The following RARS1 variants were observed in gnomAD, a reference collection of about 807,000 sequenced individuals.
RARS1 encodes the protein arginine--tRNA ligase, cytoplasmic.
A neutral mutation model predicts 78.7 loss-of-function variants in RARS1; 75 were observed. The observed-to-expected ratio is 0.95, with a 90% CI of 0.79 to 1.15. The LOEUF (loss-of-function observed/expected upper bound fraction) is 1.15, where lower values mean the gene tolerates loss of function less well. Among genes scored for constraint, RARS1 ranks in the 50% most tolerant of loss-of-function variants. The pLI is 0.00. For missense variants in RARS1, 787 were observed against 787.5 expected, an observed-to-expected ratio of 1.00 and a Z score of 0.01; for synonymous variants, 273 against 268.2, an observed-to-expected ratio of 1.02 and a Z score of -0.18.
In RARS1 at chr5:168,501,986, T is replaced by C. The variant is rs777808091; in HGVS notation, c.953-15T>C. On this transcript the variant is annotated splice_polypyrimidine_tract_variant and intron_variant, in intron 8 of 14. Coordinates refer to ENST00000231572, the MANE Select transcript of RARS1 (RefSeq NM_002887.4). ...TTATGCATTTTATTTGGTGGCATTT[T>C]ATTTTCTTCCCTAGAGTTAAATAAA... is the stretch of plus-strand genomic sequence containing the variant. 6.3e-7 allele frequency: 1 copy of C among 1,580,494 alleles called. No homozygotes were observed. Among genetic ancestry groups the C allele is most frequent in the African/African-American group, 1.4e-5 (1 of 73,192 alleles).
At chr5:168,498,707 T>A (rs562970174) in intron 7 of RARS1, among the ~76,000 whole-genome samples, 1 of 152,250 alleles carries the variant, frequency 6.6e-6, no homozygotes, top group East Asian at 1.9e-4. Context: ...TGGCTCACAC[T>A]TGTAATCCCA....
At position 168,517,888 on chromosome 5, in the gene RARS1, G is replaced by C. The variant is rs565481950; in HGVS notation, c.1699G>C (p.Asp567His). The C allele has an allele frequency of 1.9e-6, 3 of 1,613,636 alleles. 1 individual carries two copies. In the South Asian group the frequency reaches 3.3e-5, roughly 18 times the overall value. ...KAARETKILL[D>H]HEKEWKLGRC... is the part of the protein sequence containing the mutation. ...TGCTCGAGAAACCAAGATTCTTTTG[G>C]ATCATGAGAAGGAATGGAAACTAGG... The change falls in exon 14 of 15, where the codon GAT (aspartate) becomes CAT (histidine). Residue 567 changes from aspartate (D) to histidine (H), a missense_variant. Transcript: ENST00000231572.
chr5:168,517,731 G>A (rs924222610), intron 13 of RARS1, 84 bp from the exon 14 acceptor site: 28 of 1,504,544 alleles, frequency 1.9e-5, no homozygotes, highest in Middle Eastern at 1.8e-4. Context: ...CTTTTTAATC[G>A]GTGATAATTT....
At chr5:168,496,727 G>A (rs147339800) in intron 6 of RARS1, among the ~76,000 whole-genome samples, 2,504 of 152,030 alleles carry the variant, frequency 0.016, 30 homozygotes, top group Middle Eastern at 0.037. Context: ...CAAGTGATCC[G>A]CCTGCCTCAG....
chr5:168,496,288 A>G (rs1042306184), intron 6 of RARS1, among the ~76,000 whole-genome samples: 1 of 150,374 alleles, frequency 6.7e-6, no homozygotes, highest in African/African-American at 2.4e-5. Flanking sequence ...CTGAGGCAGG[A>G]GAATTGCTTG....
intron 9 of RARS1, among the ~76,000 whole-genome samples, chr5:168,502,409 C>A (rs1758349390): frequency 7.6e-6 from 1 of 131,202 alleles, no homozygotes; most frequent in South Asian, 2.3e-4. Context: ...AACAATCTTG[C>A]TATGTTGCCT....
At chr5:168,497,193 T>TA (rs751297861) in intron 6 of RARS1, 35 bp from the exon 7 acceptor site, 1 of 1,365,400 alleles carries the variant, frequency 7.3e-7, no homozygotes. Flanking sequence ...CTTTATTATT[T>TA]AAAAAATGAT....
intron 14 of RARS1, 33 bp downstream of exon 14, chr5:168,518,095 T>TTTTTG: frequency 1.5e-6 from 2 of 1,338,142 alleles, no homozygotes; most frequent in Non-Finnish European, 2.0e-6. Flanking sequence ...TTTTTTTTTT[T>TTTTTG]AGTGAGAGAC....
chr5:168,517,057 C>T (rs1358015036), intron 13 of RARS1, 107 bp downstream of exon 13: 2 of 1,181,218 alleles, frequency 1.7e-6, no homozygotes, highest in Non-Finnish European at 2.4e-6. Flanking sequence ...GTCTTGGGCT[C>T]AAATGATCCT....
chr5:168,494,126 C>T, intron 4 of RARS1, 124 bp downstream of exon 4: 1 of 1,250,098 alleles, frequency 8.0e-7, no homozygotes, highest in Non-Finnish European at 1.1e-6. Context: ...GGTGAAAGCA[C>T]TGTGGATTGT....
At chr5:168,519,041 G>A (rs1758730925) in intron 14 of RARS1, 40 bp from the exon 15 acceptor site, 1 of 1,536,572 alleles carries the variant, frequency 6.5e-7, no homozygotes, top group East Asian at 2.3e-5. Flanking sequence ...TTTTCAAAAA[G>A]GAAAACAAGT....
chr5:168,519,269 A>C lies in RARS1; in HGVS notation c.*79A>C, dbSNP rs1758740894. The C allele has an allele frequency of 1.8e-6, 2 of 1,093,200 alleles. No homozygotes were observed. Among genetic ancestry groups the C allele is most frequent in the East Asian group, 5.1e-5 (2 of 38,920 alleles). The allele number at this position is 1,093,200 out of a possible 1,614,324, so 67.7% of individuals were successfully genotyped here. ...TTTGCTTTTTTACAATCATGTGGAC[A>C]CAAGCATAAGTAAAGAAAATTTGTC... On this transcript the variant is annotated 3_prime_UTR_variant, in exon 15 of 15. Coordinates refer to ENST00000231572, the MANE Select transcript of RARS1 (RefSeq NM_002887.4).
rs759302320 is a variant in RARS1, at chr5:168,502,384, A to ATTTT, written c.1057+288_1057+291dup. ...CAAATATATATATATATATATATAT[A>ATTTT]TTTTTTTTTTTTAAAACAATCTTGC... is the stretch of plus-strand genomic sequence containing the variant. On this transcript the variant is annotated intron_variant, in intron 9 of 14. Transcript: ENST00000231572. Among the ~76,000 whole-genome samples, 281 of 127,214 alleles carry ATTTT rather than the reference A, an allele frequency of 2.2e-3. 2 individuals carry two copies. Among genetic ancestry groups the ATTTT allele is most frequent in the African/African-American group, 3.1e-3 (99 of 31,648 alleles). 83.5% of individuals were successfully genotyped at this position (127,214 alleles called of 152,430 possible). A position where few individuals can be genotyped will look rare whatever the true frequency, so the allele number is the denominator to read the frequency against.
In RARS1 at chr5:168,506,016, C is replaced by A; in HGVS notation, c.1058-5C>A. 1 of 1,590,870 alleles carries A rather than the reference C, an allele frequency of 6.3e-7. No homozygotes were observed. The highest frequency in any genetic ancestry group is 8.5e-7 in the Non-Finnish European group (1 of 1,171,908). ...TTTATTAATGAAGTGTTTTTTACCC[C>A]CTAGGATTTGTGCAGGTGGATGATG... On this transcript the variant is annotated splice_polypyrimidine_tract_variant and splice_region_variant and intron_variant, in intron 9 of 14. Coordinates refer to ENST00000231572, the MANE Select transcript of RARS1 (RefSeq NM_002887.4).
intron 14 of RARS1, 35 bp downstream of exon 14, chr5:168,518,097 G>A: frequency 3.3e-6 from 3 of 920,156 alleles, no homozygotes; most frequent in Non-Finnish European, 4.1e-6. Context: ...TTTTTTTTTA[G>A]TGAGAGACAC....
chr5:168,499,042 G>A (rs1049541397), intron 7 of RARS1, among the ~76,000 whole-genome samples: 1 of 152,086 alleles, frequency 6.6e-6, no homozygotes, highest in African/African-American at 2.4e-5. Context: ...TATGGGCTGG[G>A]TGCAGTGGCT....
At chr5:168,510,793 G>T in intron 12 of RARS1, 107 bp downstream of exon 12, 1 of 693,978 alleles carries the variant, frequency 1.4e-6, no homozygotes, top group Non-Finnish European at 2.4e-6. Flanking sequence ...TCCCACCTAG[G>T]ACAAGGCTTA....
intron 7 of RARS1, among the ~76,000 whole-genome samples, chr5:168,499,838 GC>G (rs1758278677): frequency 6.6e-6 from 1 of 152,096 alleles, no homozygotes; most frequent in Admixed American, 6.5e-5. Context: ...AGTAAGTGTT[GC>G]TTTCAAAATA....
At chr5:168,494,313 T>A (rs1017976240) in intron 4 of RARS1, 1 of 985,390 alleles carries the variant, frequency 1.0e-6, no homozygotes, top group Non-Finnish European at 1.2e-6. Context: ...GCGAACAGAT[T>A]GTTTGCTGAA....
Sources: allele counts gnomAD v4.1 joint callset (sites outside exome capture counted in the v4.1 genomes callset), GRCh38; gene constraint gnomAD v4.1.1; transcripts MANE v1.5; gene names NCBI Gene and HGNC (gene_info 2026-07-23, HGNC 2026-07-21).